SRPX: variants seen among roughly 807,000 people sequenced by gnomAD.
SRPX encodes the protein sushi repeat-containing protein SRPX.
In SRPX, 24 loss-of-function variants were observed where a neutral mutation model predicts 38.1. The observed-to-expected ratio is 0.63, with a 90% CI of 0.46 to 0.89. The LOEUF is 0.89. SRPX is among the 40% of genes least tolerant of loss of function. The pLI is 0.00. For synonymous variants in SRPX, 184 were observed against 153.8 expected (o/e 1.20, Z -1.45); for missense variants, 416 against 377.8 (o/e 1.10, Z -0.84).
chrX:38,165,106 C>A (rs1938340588), intron 4 of SRPX, among the ~76,000 whole-genome samples: 1 of 111,864 alleles, frequency 8.9e-6, no homozygotes, highest in Admixed American at 9.5e-5. Flanking sequence ...ATTTGCAGGG[C>A]TAAACCTGCA....
At position 38,220,800 on chromosome X, in the gene SRPX, G is replaced by GAGCCCCACTCCCCAT; in HGVS notation, c.-9_-8insATGGGGAGTGGGGCT. On this transcript the variant is annotated 5_prime_UTR_variant, in exon 1 of 10. In the 5' UTR this introduces an upstream ATG that the reference lacks. Coordinates refer to ENST00000378533, the MANE Select transcript of SRPX (RefSeq NM_006307.5). ...ATGTGCGGGGCTCCCCATGGCGAGC[G>GAGCCCCACTCCCCAT]GGCGCTTAGCTCGCCTCGGCAGCGC... The GAGCCCCACTCCCCAT allele has an allele frequency of 9.1e-7, 1 of 1,093,154 alleles. No individual in the cohort carries two copies. The highest frequency in any genetic ancestry group is 3.4e-5 in the Admixed American group (1 of 29,390). 90.1% of individuals were successfully genotyped at this position (1,093,154 alleles called of 1,213,427 possible).
At chrX:38,192,121 CAAAGAGGCACAGCG>C (rs1218938776) in intron 1 of SRPX, among the ~76,000 whole-genome samples, 24 of 111,798 alleles carry the variant, frequency 2.1e-4, no homozygotes, top group African/African-American at 7.5e-4. Flanking sequence ...GAGAGCCCCA[CAAAGAGGCACAGCG>C]TGGCTTGTAA....
In SRPX at chrX:38,161,020, A is replaced by G. The variant is rs768486843; in HGVS notation, c.688T>C (p.Phe230Leu). The G allele has an allele frequency of 1.7e-6, 2 of 1,208,576 alleles. No individual in the cohort carries two copies. The highest frequency in any genetic ancestry group is 3.5e-5 in the African/African-American group (2 of 56,907). Residue 230 changes from phenylalanine to leucine, a missense_variant, in exon 6 of 10, where the codon TTT becomes CTT. Transcript: ENST00000378533. Reference protein sequence around the residue: ...ILKGLPPGSNFPEGDHKIQYT... With the variant: ...ILKGLPPGSNLPEGDHKIQYT... ...TGGATCTTGTGGTCTCCTTCTGGAA[A>G]GTTGGAGCCTGGGGGGAGGCCTTTT... is the stretch of plus-strand genomic sequence containing the variant.
At chrX:38,211,472 A>C (rs1939318218) in intron 1 of SRPX, among the ~76,000 whole-genome samples, 1 of 111,687 alleles carries the variant, frequency 9.0e-6, no homozygotes, top group Non-Finnish European at 1.9e-5. Context: ...GAGGCCGAGG[A>C]GGGCAGATCA....
At position 38,174,147 on chromosome X, in the gene SRPX, C is replaced by T; in HGVS notation, c.349+13G>A. 2.9e-6 allele frequency: 3 copies of T among 1,049,679 alleles called. No homozygotes were observed. Among genetic ancestry groups the T allele is most frequent in the Non-Finnish European group, 3.7e-6 (3 of 810,931 alleles). 86.5% of individuals were successfully genotyped at this position (1,049,679 alleles called of 1,213,427 possible). ...TCATCCCTGAGGACCCAACACAGAG[C>T]TGGCCTACTCACGTTTGCAGATGAC... On this transcript the variant is annotated intron_variant, in intron 3 of 9. Coordinates refer to ENST00000378533, the MANE Select transcript of SRPX (RefSeq NM_006307.5).
At chrX:38,171,001 C>T (rs1178882477) in intron 4 of SRPX, among the ~76,000 whole-genome samples, 8 of 106,716 alleles carry the variant, frequency 7.5e-5, no homozygotes, top group Non-Finnish European at 1.2e-4. Flanking sequence ...TGAATAAAAT[C>T]CAAGGATGCT....
Position 38,220,815 on chromosome X carries a change from C to CATGGCGAG in SRPX, c.-24_-23insCTCGCCAT. On this transcript the variant is annotated 5_prime_UTR_variant, in exon 1 of 10. It adds an upstream start codon to the 5' untranslated region. Transcript: ENST00000378533. The stretch of plus-strand genomic sequence containing the variant: ...CATGGCGAGCGGGCGCTTAGCTCGC[C>CATGGCGAG]TCGGCAGCGCAGCGCGCTTCCCGGG... The CATGGCGAG allele has an allele frequency of 9.3e-7, 1 of 1,074,441 alleles. No homozygotes were observed. The highest frequency in any genetic ancestry group is 3.9e-5 in the Admixed American group (1 of 25,791). 88.5% of individuals were successfully genotyped at this position (1,074,441 alleles called of 1,213,427 possible). A position where few individuals can be genotyped will look rare whatever the true frequency, so the allele number is the denominator to read the frequency against.
intron 1 of SRPX, among the ~76,000 whole-genome samples, chrX:38,181,935 GA>G (rs1258908418): frequency 1.2e-4 from 13 of 104,374 alleles, no homozygotes; most frequent in African/African-American, 3.5e-4. Context: ...GAGGAAAAAA[GA>G]AAAAAAAAAC....
intron 1 of SRPX, among the ~76,000 whole-genome samples, chrX:38,204,562 T>C (rs1302007648): frequency 8.9e-6 from 1 of 112,041 alleles, no homozygotes; most frequent in Non-Finnish European, 1.9e-5. Flanking sequence ...TTCCAGAAAT[T>C]TCAGGAATGT....
chrX:38,179,017 G>T (rs762010985), intron 1 of SRPX, among the ~76,000 whole-genome samples: 1 of 105,668 alleles, frequency 9.5e-6, no homozygotes, highest in East Asian at 3.0e-4. Context: ...TGTGATTTTG[G>T]CTCACCGCAA....
chrX:38,157,134 G>A, intron 7 of SRPX, 105 bp from the exon 8 acceptor site: 1 of 1,002,253 alleles, frequency 1.0e-6, no homozygotes. Flanking sequence ...TAAACCCTGA[G>A]ATAAGGATTC....
intron 6 of SRPX, among the ~76,000 whole-genome samples, chrX:38,160,567 G>A (rs1268180435): frequency 2.7e-5 from 3 of 111,598 alleles, no homozygotes; most frequent in Non-Finnish European, 5.6e-5. Flanking sequence ...TTCTCCTGGT[G>A]GCCCAAATTA....
chrX:38,174,414 C>T (rs377236459), intron 2 of SRPX, 63 bp from the exon 3 acceptor site: 3 of 910,849 alleles, frequency 3.3e-6, no homozygotes, highest in East Asian at 8.0e-5. Flanking sequence ...AAATGTGTCC[C>T]CTTACTCTTA....
chrX:38,179,806 T>C (rs772056228), intron 1 of SRPX, among the ~76,000 whole-genome samples: 1 of 111,553 alleles, frequency 9.0e-6, no homozygotes, highest in South Asian at 3.8e-4. Context: ...TCATTGCATA[T>C]AAAAAAATGA....
chrX:38,184,156 T>C lies in SRPX; in HGVS notation c.98-5812A>G, dbSNP rs1037816025. Among the ~76,000 whole-genome samples, 3 of 111,530 alleles carry C rather than the reference T, an allele frequency of 2.7e-5. No individual in the cohort carries two copies. The Admixed American group carries it at 2.9e-4, about 11-fold the overall frequency. ...GTGTTCCTGCTATCACGCCATAAGGTTTCTCACCGTAAGGTAGGGATGTGG... is the reference window on the plus strand; with the variant it reads ...GTGTTCCTGCTATCACGCCATAAGGCTTCTCACCGTAAGGTAGGGATGTGG... On this transcript the variant is annotated intron_variant, in intron 1 of 9. Transcript: ENST00000378533.
chrX:38,174,098 A>G, intron 3 of SRPX, 62 bp downstream of exon 3: 1 of 925,776 alleles, frequency 1.1e-6, no homozygotes, highest in Non-Finnish European at 1.4e-6. Context: ...CCTCAATCTC[A>G]GAGCAAAAGA....
intron 4 of SRPX, among the ~76,000 whole-genome samples, chrX:38,168,149 C>A (rs1465265157): frequency 1.8e-5 from 2 of 111,387 alleles, no homozygotes; most frequent in African/African-American, 6.5e-5. Context: ...GGAAGAAGCT[C>A]AAAAGGACAA....
chrX:38,177,848 A>G (rs62587005), intron 2 of SRPX, among the ~76,000 whole-genome samples: 1,612 of 112,197 alleles, frequency 0.014, 16 homozygotes, highest in Non-Finnish European at 0.022. Flanking sequence ...TGGGCTCAGA[A>G]AGAGCACGAT....
chrX:38,216,595 T>C (rs931321193), intron 1 of SRPX, among the ~76,000 whole-genome samples: 41 of 112,354 alleles, frequency 3.6e-4, no homozygotes, highest in African/African-American at 1.2e-3. Flanking sequence ...GAATTGGAAG[T>C]TGGGAGAGGT....
Sources: gnomAD v4.1 joint callset for allele counts (sites outside exome capture counted in the v4.1 genomes callset) on GRCh38, gnomAD v4.1.1 for gene constraint, MANE v1.5 for transcripts, NCBI Gene and HGNC (gene_info 2026-07-23, HGNC 2026-07-21) for gene names.